Variants in ZSCAN23 observed in about 807,000 individuals in gnomAD.
The protein encoded by ZSCAN23 is zinc finger and SCAN domain-containing protein 23.
Under a neutral mutation model 19.3 loss-of-function variants are expected in ZSCAN23, and 19 were observed. The observed-to-expected ratio is 0.99, with a 90% CI of 0.69 to 1.45. The LOEUF (loss-of-function observed/expected upper bound fraction) is 1.45. Ranked by LOEUF, ZSCAN23 falls within the 40% of genes most tolerant of loss-of-function variation. The pLI is 0.00. For missense variants in ZSCAN23, 372 were observed against 462.5 expected (o/e 0.80, Z 1.79); for synonymous variants, 140 against 166.2 (o/e 0.84, Z 1.21).
At chr6:28,439,014 G>T (rs545564333) in intron 1 of ZSCAN23, among the ~76,000 whole-genome samples, 38 of 152,092 alleles carry the variant, frequency 2.5e-4, no homozygotes, top group African/African-American at 7.0e-4. Context: ...TCTTTGGTTT[G>T]GTTACCTTCT....
intron 1 of ZSCAN23, among the ~76,000 whole-genome samples, chr6:28,439,549 G>A (rs1260327114): frequency 6.6e-6 from 1 of 152,080 alleles, no homozygotes; most frequent in Non-Finnish European, 1.5e-5. Context: ...ACTGTTCTAG[G>A]CACTGGGGAT....
intron 1 of ZSCAN23, among the ~76,000 whole-genome samples, chr6:28,438,112 T>C (rs1761929570): frequency 7.4e-6 from 1 of 134,564 alleles, no homozygotes; most frequent in East Asian, 2.0e-4. Context: ...TTTTTGTTTT[T>C]TTGAGAAGGA....
Position 28,435,545 on chromosome 6 carries a change from A to AG in ZSCAN23, c.470dup (p.Gln158SerfsTer6). Reference sequence around the variant, plus strand: ...GGAATTGGTCATTTGATGACTCCTGAGCTGCTCCTGGAGTTGCCTTCTCCT... The same window carrying AG: ...GGAATTGGTCATTTGATGACTCCTGAGGCTGCTCCTGGAGTTGCCTTCTCCT... On this transcript the variant is annotated frameshift_variant, in exon 3 of 4. Transcript: ENST00000289788. LOFTEE classifies it high-confidence loss of function. 1 of 1,551,752 alleles carries AG rather than the reference A, an allele frequency of 6.4e-7. No individual in the cohort carries two copies. Among genetic ancestry groups the AG allele is most frequent in the Non-Finnish European group, 8.7e-7 (1 of 1,147,006 alleles).
chr6:28,424,566 G>GT, the ZSCAN23 span, among the ~76,000 whole-genome samples: 1 of 152,150 alleles, frequency 6.6e-6, no homozygotes. Context: ...TGCTTTATCA[G>GT]TCAAGTTTAT....
intron 1 of ZSCAN23, among the ~76,000 whole-genome samples, chr6:28,437,532 G>A (rs1209740160): frequency 2.0e-5 from 3 of 152,096 alleles, no homozygotes; most frequent in African/African-American, 7.2e-5. Flanking sequence ...GCAGTGGACT[G>A]AGATCACACT....
At chr6:28,435,629 T>A (rs1322774903) in intron 2 of ZSCAN23, 22 bp from the exon 3 acceptor site, 6 of 1,546,060 alleles carry the variant, frequency 3.9e-6, no homozygotes, top group Non-Finnish European at 5.2e-6. Context: ...CAAGGACAGT[T>A]GGGAACCCAA....
chr6:28,426,701 C>G, the ZSCAN23 span, among the ~76,000 whole-genome samples: 3 of 152,206 alleles, frequency 2.0e-5, no homozygotes, highest in Non-Finnish European at 4.4e-5. Flanking sequence ...TTTCAATTTG[C>G]AGAAAACACA....
downstream of ZSCAN23, among the ~76,000 whole-genome samples, chr6:28,427,942 G>A (rs1384636155): frequency 6.6e-6 from 1 of 152,166 alleles, no homozygotes. Flanking sequence ...AGCCGGGTGT[G>A]ATGGCGCGTG....
Position 28,434,459 on chromosome 6 carries a change from A to G in ZSCAN23, c.*6T>C. ...AGAAATATTATCCCCTACCTGTTCC[A>G]AGGAGCTAGCTTGATTCAGCCACTG... On this transcript the variant is annotated 3_prime_UTR_variant, in exon 4 of 4. Transcript: ENST00000289788. 6.5e-7 allele frequency: 1 copy of G among 1,530,124 alleles called. No individual in the cohort carries two copies. Among genetic ancestry groups the G allele is most frequent in the Non-Finnish European group, 8.8e-7 (1 of 1,134,404 alleles). 94.8% of individuals were successfully genotyped at this position (1,530,124 alleles called of 1,614,324 possible). A position where few individuals can be genotyped will look rare whatever the true frequency, so the allele number is the denominator to read the frequency against.
At position 28,432,957 on chromosome 6, in the gene ZSCAN23, C is replaced by A. The variant is rs932125070; in HGVS notation, c.*1508G>T. 6.6e-6 allele frequency: 1 copy of A among 151,920 alleles called. No homozygotes were observed. The highest frequency in any genetic ancestry group is 1.5e-5 in the Non-Finnish European group (1 of 67,952). The allele number at this position is 151,920 out of a possible 1,614,324, so 9.4% of individuals were successfully genotyped here. On this transcript the variant is annotated 3_prime_UTR_variant, in exon 4 of 4. Transcript: ENST00000289788. Reference sequence around the variant, plus strand: ...TGGCTACTTATAAAGGGAAAGTAGACCTTTTTGTATTATTTTGATTTTTGA... The same window carrying A: ...TGGCTACTTATAAAGGGAAAGTAGAACTTTTTGTATTATTTTGATTTTTGA...
Position 28,436,421 on chromosome 6 carries a change from T to C in ZSCAN23, c.-77-78A>G, listed in dbSNP as rs553719437. ...CAAGGAGGGACTGGAGTATTTACACTAAAATCAGTCACTCTGTCTCATGAA... is the reference window on the plus strand; with the variant it reads ...CAAGGAGGGACTGGAGTATTTACACCAAAATCAGTCACTCTGTCTCATGAA... On this transcript the variant is annotated intron_variant, in intron 1 of 3. Transcript: ENST00000289788. 2.6e-5 allele frequency: 18 copies of C among 687,090 alleles called. No individual in the cohort carries two copies. In the African/African-American group the frequency reaches 3.2e-4, roughly 12 times the overall value. The allele number at this position is 687,090 out of a possible 1,614,324, so 42.6% of individuals were successfully genotyped here. A position where few individuals can be genotyped will look rare whatever the true frequency, so the allele number is the denominator to read the frequency against.
intron 1 of ZSCAN23, among the ~76,000 whole-genome samples, chr6:28,438,389 GC>G (rs1213141226): frequency 1.3e-5 from 2 of 152,078 alleles, no homozygotes; most frequent in Non-Finnish European, 2.9e-5. Flanking sequence ...TAGCCACCGC[GC>G]CCAGCAACCC....
At position 28,435,600 on chromosome 6, in the gene ZSCAN23, C is replaced by G. The variant is rs1448688940; in HGVS notation, c.416G>C (p.Ser139Thr). 6.4e-7 allele frequency: 1 copy of G among 1,550,656 alleles called. No individual in the cohort carries two copies. The highest frequency in any genetic ancestry group is 8.7e-7 in the Non-Finnish European group (1 of 1,146,734). Reference protein sequence around the residue: ...ELDDPGEQVLSHAHEQEEFVK... With the variant: ...ELDDPGEQVLTHAHEQEEFVK... ...AAACTCTTCCTGTTCATGAGCATGG[C>G]TCAGGACCTGGTGGAAATCAAGGAC... is the stretch of plus-strand genomic sequence containing the variant. Residue 139 changes from serine (S) to threonine (T), a missense_variant, in exon 3 of 4, where the codon AGC (serine) becomes ACC (threonine). Coordinates refer to ENST00000289788, the MANE Select transcript of ZSCAN23 (RefSeq NM_001012455.2).
At chr6:28,426,947 C>T (rs1253321897), downstream of ZSCAN23, among the ~76,000 whole-genome samples, 2 of 152,188 alleles carry the variant, frequency 1.3e-5, no homozygotes, top group African/African-American at 4.8e-5. Flanking sequence ...GCATGTGCCA[C>T]CACACTCAGC....
chr6:28,431,547 T>G (rs1025052502), downstream of ZSCAN23, among the ~76,000 whole-genome samples: 1 of 152,220 alleles, frequency 6.6e-6, no homozygotes, highest in Non-Finnish European at 1.5e-5. Context: ...AAAACTGCAC[T>G]TCAAACCAAC....
At chr6:28,440,027 AT>A (rs1761971055) in intron 1 of ZSCAN23, among the ~76,000 whole-genome samples, 1 of 152,242 alleles carries the variant, frequency 6.6e-6, no homozygotes, top group Non-Finnish European at 1.5e-5. Context: ...AAAGGTTGCT[AT>A]TTTATAGAGT....
At chr6:28,438,276 T>C (rs1761932037) in intron 1 of ZSCAN23, among the ~76,000 whole-genome samples, 1 of 152,070 alleles carries the variant, frequency 6.6e-6, no homozygotes, top group East Asian at 1.9e-4. Context: ...TTTGTATTTT[T>C]AGTAGAGACA....
chr6:28,431,625 G>C (rs570519660), downstream of ZSCAN23, among the ~76,000 whole-genome samples: 1 of 152,308 alleles, frequency 6.6e-6, no homozygotes, highest in East Asian at 1.9e-4. Context: ...TTGGCAGTTG[G>C]CATAGAAAAA....
At chr6:28,430,403 G>C (rs1761740344), downstream of ZSCAN23, among the ~76,000 whole-genome samples, 1 of 152,080 alleles carries the variant, frequency 6.6e-6, no homozygotes. Context: ...CCAACCCCAG[G>C]TCTGGTATTA....
Sources: gnomAD v4.1 joint callset for allele counts (sites outside exome capture counted in the v4.1 genomes callset) on GRCh38, gnomAD v4.1.1 for gene constraint, MANE v1.5 for transcripts, NCBI Gene and HGNC (gene_info 2026-07-23, HGNC 2026-07-21) for gene names.